The following MDGA2 variants were observed in gnomAD, a reference collection of about 807,000 sequenced individuals.
MDGA2 encodes the protein MAM domain containing glycosylphosphatidylinositol anchor 2, also known as MAM domain-containing glycosylphosphatidylinositol anchor protein 2.
A neutral mutation model predicts 117.8 loss-of-function variants in MDGA2; 40 were observed. The ratio of observed to expected loss-of-function variants is 0.34; its 90% CI spans 0.26 to 0.44. MDGA2 has a LOEUF of 0.44. Ranked by LOEUF, MDGA2 falls within the 20% of genes least tolerant of loss-of-function variation. MDGA2 has a pLI of 1.00. For synonymous variants in MDGA2, 452 were observed against 439.0 expected (o/e 1.03, Z -0.37); for missense variants, 1,123 against 1,250.6 (o/e 0.90, Z 1.54).
At chr14:47,175,288 A>C (rs1002775855) in intron 3 of MDGA2, among the ~76,000 whole-genome samples, 10 of 151,904 alleles carry the variant, frequency 6.6e-5, no homozygotes, top group East Asian at 5.8e-4. Flanking sequence ...AATCCTCCCT[A>C]ACTCATTTTA....
intron 1 of MDGA2, among the ~76,000 whole-genome samples, chr14:47,361,836 A>G (rs1891133184): frequency 6.6e-6 from 1 of 152,136 alleles, no homozygotes; most frequent in African/African-American, 2.4e-5. Context: ...GAAAATTAGA[A>G]TCATATAAGG....
At chr14:47,181,194 G>T (rs1323185610) in intron 3 of MDGA2, among the ~76,000 whole-genome samples, 1 of 152,090 alleles carries the variant, frequency 6.6e-6, no homozygotes, top group Non-Finnish European at 1.5e-5. Context: ...TTTAAGTCCT[G>T]CATGCATTAG....
At chr14:46,973,121 C>G (rs185483661) in intron 8 of MDGA2, among the ~76,000 whole-genome samples, 3 of 152,196 alleles carry the variant, frequency 2.0e-5, no homozygotes, top group African/African-American at 7.2e-5. Flanking sequence ...CCACTAAATG[C>G]TGGCAAGGAT....
intron 2 of MDGA2, among the ~76,000 whole-genome samples, chr14:47,259,360 T>G (rs183432757): frequency 6.6e-6 from 1 of 152,240 alleles, no homozygotes; most frequent in African/African-American, 2.4e-5. Flanking sequence ...GTTTGAAGCT[T>G]GTACTTTAAA....
Position 47,073,139 on chromosome 14 carries a change from G to A in MDGA2, c.1196-11561C>T, listed in dbSNP as rs1278286392. ...CTTAAAGTCAACCTTCTTTACCTAC[G>A]AATTTCTAACACTGAGTATTAAGAA... On this transcript the variant is annotated intron_variant, in intron 6 of 16. Transcript: ENST00000399232. 5.9e-5 allele frequency among the ~76,000 whole-genome samples: 9 copies of A among 152,098 alleles called. No individual in the cohort carries two copies. In the South Asian group the frequency reaches 8.3e-4, roughly 14 times the overall value.
Position 47,179,366 on chromosome 14 carries a change from C to G in MDGA2, c.596-35092G>C, listed in dbSNP as rs1884606853. On this transcript the variant is annotated intron_variant, in intron 3 of 16. Coordinates refer to ENST00000399232, the MANE Select transcript of MDGA2 (RefSeq NM_001113498.3). ...TTATATTTACACTACATAGTTCGTTCTACTGTAGCTTAATATTTAAGGTCA... is the reference window on the plus strand; with the variant it reads ...TTATATTTACACTACATAGTTCGTTGTACTGTAGCTTAATATTTAAGGTCA... Among the ~76,000 whole-genome samples the G allele has an allele frequency of 1.3e-5, 2 of 151,870 alleles. 1 individual carries two copies. The highest frequency in any genetic ancestry group is 4.1e-4 in the South Asian group (2 of 4,824).
intron 1 of MDGA2, among the ~76,000 whole-genome samples, chr14:47,492,618 A>G (rs1023470504): frequency 3.9e-5 from 6 of 152,166 alleles, no homozygotes; most frequent in Admixed American, 3.3e-4. Flanking sequence ...GTTAATTTTC[A>G]TCACCATAGA....
At chr14:47,179,970 T>C (rs56375515) in intron 3 of MDGA2, among the ~76,000 whole-genome samples, 31,583 of 151,976 alleles carry the variant, frequency 0.21, 3,442 homozygotes, top group Admixed American at 0.29. Context: ...TCTTAATGTG[T>C]TCTAATAAAT....
intron 3 of MDGA2, among the ~76,000 whole-genome samples, chr14:47,164,271 C>A (rs1883769098): frequency 1.3e-5 from 2 of 152,154 alleles, no homozygotes; most frequent in African/African-American, 4.8e-5. Flanking sequence ...AAATTTTAGG[C>A]ACATTCCACA....
chr14:47,517,539 A>T (rs1382728356), intron 1 of MDGA2, among the ~76,000 whole-genome samples: 1 of 152,210 alleles, frequency 6.6e-6, no homozygotes, highest in East Asian at 1.9e-4. Context: ...ATATATGTAA[A>T]TTTATATTAA....
intron 8 of MDGA2, among the ~76,000 whole-genome samples, chr14:46,964,116 T>C (rs1256618167): frequency 6.6e-6 from 1 of 152,108 alleles, no homozygotes; most frequent in East Asian, 1.9e-4. Flanking sequence ...CTGAACCCCA[T>C]GTAAAACTTC....
intron 3 of MDGA2, among the ~76,000 whole-genome samples, chr14:47,156,843 G>C (rs191013735): frequency 1.8e-3 from 274 of 152,268 alleles, no homozygotes; most frequent in Non-Finnish European, 2.5e-3. Flanking sequence ...ACTAAAGCTA[G>C]AGAAGCATAT....
At chr14:47,302,532 T>G (rs2139815928) in intron 1 of MDGA2, among the ~76,000 whole-genome samples, 2 of 152,276 alleles carry the variant, frequency 1.3e-5, no homozygotes, top group Admixed American at 1.3e-4. Flanking sequence ...ATAGATATCT[T>G]CAACCTAAAC....
chr14:47,614,768 T>G lies in MDGA2; in HGVS notation c.280+59749A>C, dbSNP rs149912146. On this transcript the variant is annotated intron_variant, in intron 1 of 16. Coordinates refer to ENST00000399232, the MANE Select transcript of MDGA2 (RefSeq NM_001113498.3). ...TCTCAGATTTAAACCAATTCCACAT[T>G]GTAAGATGTTAAGGTACATGTTTCC... Among the ~76,000 whole-genome samples the G allele has an allele frequency of 5.1e-3, 775 of 152,336 alleles. 7 individuals are homozygous for G. The highest frequency in any genetic ancestry group is 7.5e-3 in the Admixed American group (114 of 15,300).
chr14:47,500,347 T>C (rs914596119), intron 1 of MDGA2, among the ~76,000 whole-genome samples: 2 of 152,114 alleles, frequency 1.3e-5, no homozygotes, highest in Admixed American at 6.5e-5. Context: ...GTCTTCTCTA[T>C]ACATTGGTAA....
chr14:46,959,040 A>G (rs572456638), intron 8 of MDGA2, among the ~76,000 whole-genome samples: 1 of 152,318 alleles, frequency 6.6e-6, no homozygotes, highest in Admixed American at 6.5e-5. Flanking sequence ...GAATTAATTC[A>G]TAAGAGTATG....
chr14:46,968,273 C>T (rs757415767), intron 8 of MDGA2, among the ~76,000 whole-genome samples: 5 of 152,066 alleles, frequency 3.3e-5, no homozygotes, highest in Non-Finnish European at 2.9e-5. Flanking sequence ...CTAAGCTGCT[C>T]CCACTGACAG....
intron 10 of MDGA2, among the ~76,000 whole-genome samples, chr14:46,910,858 CT>C (rs1883672137): frequency 6.6e-6 from 1 of 152,130 alleles, no homozygotes; most frequent in Non-Finnish European, 1.5e-5. Context: ...ACGGATGGAG[CT>C]GGAGGCTATT....
rs754081257 is a variant in MDGA2, at chr14:46,841,915, C to T, written c.*16G>A. On this transcript the variant is annotated 3_prime_UTR_variant, in exon 17 of 17. Transcript: ENST00000399232. ...CAGTGCCTGGTGAATCTTTTATAGC[C>T]TCTGCCAGGATAAGGTCACCTTCGA... The T allele has an allele frequency of 5.8e-6, 9 of 1,565,136 alleles. No individual in the cohort carries two copies.
Sources: gnomAD v4.1 joint callset for allele counts (sites outside exome capture counted in the v4.1 genomes callset) on GRCh38, gnomAD v4.1.1 for gene constraint, MANE v1.5 for transcripts, NCBI Gene and HGNC (gene_info 2026-07-23, HGNC 2026-07-21) for gene names.